The following CALM2 variants were observed in gnomAD, a reference collection of about 807,000 sequenced individuals.
The protein encoded by CALM2 is calmodulin-2.
In CALM2, 2 loss-of-function variants were observed where a neutral mutation model predicts 19.8. The observed-to-expected ratio is 0.10, with a 90% CI of 0.04 to 0.32. The LOEUF (loss-of-function observed/expected upper bound fraction) is 0.32, where lower values mean the gene tolerates loss of function less well. CALM2 is among the 10% of genes least tolerant of loss of function. The pLI, the probability that CALM2 is intolerant of heterozygous loss-of-function variation, is 1.00. For synonymous variants in CALM2, 51 were observed against 52.1 expected, an observed-to-expected ratio of 0.98 and a Z score of 0.09; for missense variants, 38 against 178.7, an observed-to-expected ratio of 0.21 and a Z score of 4.49.
rs760182163 is a variant in CALM2 at position 47,176,495 on chromosome 2, C to G, written c.-52G>C. 5 of 1,611,278 alleles carry G rather than the reference C, an allele frequency of 3.1e-6. No individual in the cohort carries two copies. Among genetic ancestry groups the G allele is most frequent in the East Asian group, 2.2e-5 (1 of 44,614 alleles). ...CGCGACCACACAACCACTCAGCTCG[C>G]TCTCTCCACTCGGACTAATTCGCCT... On this transcript the variant is annotated 5_prime_UTR_variant, in exon 1 of 6. Transcript: ENST00000272298.
chr2:47,166,340 A>C (rs1395386557), intron 2 of CALM2, among the ~76,000 whole-genome samples: 1 of 152,244 alleles, frequency 6.6e-6, no homozygotes, highest in Non-Finnish European at 1.5e-5. Flanking sequence ...TAACACCACC[A>C]TTAGGTGCAT....
At position 47,160,560 on chromosome 2, in the gene CALM2, C is replaced by G. The variant is rs893390228; in HGVS notation, c.*216G>C. ...GGGCTTAGATATATCCAGAGTAAGC[C>G]ACATGCAACATGTTACTTGATCAAT... On this transcript the variant is annotated 3_prime_UTR_variant, in exon 6 of 6. Coordinates refer to ENST00000272298, the MANE Select transcript of CALM2 (RefSeq NM_001743.6). 6 of 435,798 alleles carry G rather than the reference C, an allele frequency of 1.4e-5. No homozygotes were observed. The highest frequency in any genetic ancestry group is 1.2e-4 in the African/African-American group (6 of 48,558). 27.0% of individuals were successfully genotyped at this position (435,798 alleles called of 1,614,324 possible).
At chr2:47,176,813 G>T (rs1306284753), upstream of CALM2, 7 of 985,296 alleles carry the variant, frequency 7.1e-6, no homozygotes, top group Admixed American at 1.2e-4. Context: ...GTCCCCCGTT[G>T]GTCGTTGAGC....
intron 4 of CALM2, 111 bp from the exon 5 acceptor site, chr2:47,161,969 G>C (rs1687170625): frequency 3.4e-6 from 3 of 880,710 alleles, no homozygotes; most frequent in Non-Finnish European, 5.4e-6. Flanking sequence ...ACATACTTTA[G>C]AAATGCATAC....
chr2:47,162,709 A>T (rs751667086), intron 2 of CALM2, 47 bp from the exon 3 acceptor site: 2 of 1,460,552 alleles, frequency 1.4e-6, no homozygotes, highest in Non-Finnish European at 9.3e-7. Context: ...TTAATAATAA[A>T]ATGTAACCTA....
At chr2:47,167,963 T>C (rs542552352) in intron 2 of CALM2, among the ~76,000 whole-genome samples, 34 of 151,444 alleles carry the variant, frequency 2.2e-4, no homozygotes, top group African/African-American at 7.3e-4. Context: ...GATTAAAAAA[T>C]TGCCTTCATC....
chr2:47,172,773 G>A (rs1240900324), intron 1 of CALM2: 1 of 136,842 alleles, frequency 7.3e-6, no homozygotes, highest in Non-Finnish European at 1.5e-5. Context: ...ACTCTGTACA[G>A]GAAGGGAGAC....
At chr2:47,163,200 C>A (rs1287742227) in intron 2 of CALM2, 1 of 152,598 alleles carries the variant, frequency 6.6e-6, no homozygotes, top group Non-Finnish European at 1.5e-5. Context: ...CTAAATCAAT[C>A]ACCTACTAAA....
chr2:47,173,836 C>T (rs1379523650), intron 1 of CALM2: 1 of 152,146 alleles, frequency 6.6e-6, no homozygotes, highest in Non-Finnish European at 1.5e-5. Context: ...CAAAAGCAAT[C>T]TAAATTATTT....
chr2:47,170,839 C>G (rs1480597154), intron 1 of CALM2, 75 bp from the exon 2 acceptor site: 6 of 1,187,116 alleles, frequency 5.1e-6, no homozygotes, highest in Non-Finnish European at 7.6e-6. Context: ...AAGTTTAAAA[C>G]CTTTCAAGGG....
At position 47,162,656 on chromosome 2, in the gene CALM2, T is replaced by C. The variant is rs1307543946; in HGVS notation, c.41A>G (p.Lys14Arg). ...TTTGTCAAATAGTGAAAAAGCTTCT[T>C]TGAATTCTGTTTGAAAGAAAGACCA... The part of the protein sequence containing the change: ...QLTEEQIAEF[K>R]EAFSLFDKDG... Residue 14 changes from lysine to arginine, a missense_variant, in exon 3 of 6, where the codon AAA (lysine) becomes AGA (arginine). By Grantham distance (26) the Lys-to-Arg change is conservative. Coordinates refer to ENST00000272298, the MANE Select transcript of CALM2 (RefSeq NM_001743.6). The C allele has an allele frequency of 6.3e-7, 1 of 1,594,900 alleles. No individual in the cohort carries two copies. The highest frequency in any genetic ancestry group is 1.8e-5 in the Admixed American group (1 of 56,114).
intron 2 of CALM2, 119 bp from the exon 3 acceptor site, chr2:47,162,781 T>G: frequency 1.2e-6 from 1 of 827,002 alleles, no homozygotes; most frequent in Non-Finnish European, 1.8e-6. Context: ...GAACAGCCAC[T>G]GCACTTCAGC....
intron 1 of CALM2, among the ~76,000 whole-genome samples, chr2:47,175,710 C>T (rs1390113334): frequency 6.6e-6 from 1 of 151,860 alleles, no homozygotes; most frequent in African/African-American, 2.4e-5. Flanking sequence ...CGCCAATGGC[C>T]CCGCAGCGCC....
chr2:47,168,627 G>T (rs1443261660), intron 2 of CALM2, among the ~76,000 whole-genome samples: 1 of 151,992 alleles, frequency 6.6e-6, no homozygotes, highest in Non-Finnish European at 1.5e-5. Flanking sequence ...CAGCTACTCG[G>T]GAGACTGAAG....
chr2:47,171,469 G>C (rs1442292966), intron 1 of CALM2: 2 of 152,156 alleles, frequency 1.3e-5, no homozygotes, highest in African/African-American at 4.8e-5. Context: ...CTATCTTACA[G>C]ATAAGGAATG....
At position 47,162,437 on chromosome 2, in the gene CALM2, T is replaced by A. The variant is rs748828637; in HGVS notation, c.179-45A>T. 1.9e-6 allele frequency: 3 copies of A among 1,605,988 alleles called. No homozygotes were observed. The African/African-American group carries it at 4.0e-5, about 21-fold the overall frequency. The stretch of plus-strand genomic sequence containing the variant: ...ACATCAAAGCTTTAGTGGAAACATA[T>A]AAGCAAACAGCAAAGGTTTAGTGGA... On this transcript the variant is annotated intron_variant, in intron 3 of 5. Transcript: ENST00000272298.
intron 1 of CALM2, 96 bp downstream of exon 1, chr2:47,176,345 G>T: frequency 6.8e-7 from 1 of 1,461,398 alleles, no homozygotes; most frequent in Non-Finnish European, 9.4e-7. Flanking sequence ...ACCACTCCTT[G>T]AAGGTGTAAG....
At chr2:47,163,384 G>T (rs1022438632) in intron 2 of CALM2, 6 of 151,746 alleles carry the variant, frequency 4.0e-5, no homozygotes, top group African/African-American at 1.5e-4. Context: ...CTTATATAGT[G>T]AAACTGATTA....
rs768559585 is a variant in CALM2 at position 47,170,783 on chromosome 2, G to T, written c.4-19C>A. 4 of 1,610,516 alleles carry T rather than the reference G, an allele frequency of 2.5e-6. No individual in the cohort carries two copies. The East Asian group carries it at 6.7e-5, about 27-fold the overall frequency. On this transcript the variant is annotated intron_variant, in intron 1 of 5. Transcript: ENST00000272298. ...GGTCAGCCTACAAAGAGATCAAAGA[G>T]GAAGGTTAGTGACTTGAGAGTATGT...
Sources: gnomAD v4.1 joint callset for allele counts (sites outside exome capture counted in the v4.1 genomes callset) on GRCh38, gnomAD v4.1.1 for gene constraint, MANE v1.5 for transcripts, NCBI Gene and HGNC (gene_info 2026-07-23, HGNC 2026-07-21) for gene names.